Variants in NAV2 observed in about 807,000 individuals in gnomAD.
The protein encoded by NAV2 is neuron navigator 2, also known as helicase, APC down-regulated 1.
Under a neutral mutation model 223.2 loss-of-function variants are expected in NAV2, and 54 were observed. The observed-to-expected ratio is 0.24, with a 90% CI of 0.19 to 0.30. NAV2 has a LOEUF of 0.30. Ranked by LOEUF, NAV2 falls within the 10% of genes least tolerant of loss-of-function variation. NAV2 has a pLI of 1.00. For missense variants in NAV2, 2,806 were observed against 3,147.5 expected, an observed-to-expected ratio of 0.89 and a Z score of 2.60; for synonymous variants, 1,279 against 1,239.3, an observed-to-expected ratio of 1.03 and a Z score of -0.67.
At chr11:19,873,042 A>G (rs1158379100) in intron 4 of NAV2, among the ~76,000 whole-genome samples, 2 of 152,070 alleles carry the variant, frequency 1.3e-5, no homozygotes, top group Non-Finnish European at 2.9e-5. Context: ...GATGGCCTTT[A>G]TTTCTGGCCA....
chr11:19,777,716 GTA>G (rs1190464903), intron 1 of NAV2: 4 of 406,728 alleles, frequency 9.8e-6, no homozygotes, highest in African/African-American at 2.0e-5. Flanking sequence ...GTCGATGTGT[GTA>G]TGTCTCTGGT....
chr11:20,095,080 A>G (rs954938917), intron 29 of NAV2, among the ~76,000 whole-genome samples: 3 of 152,258 alleles, frequency 2.0e-5, no homozygotes, highest in Non-Finnish European at 4.4e-5. Flanking sequence ...AACAAGAATA[A>G]AAACAATAAA....
intron 12 of NAV2, among the ~76,000 whole-genome samples, chr11:20,036,829 C>A (rs1305955748): frequency 6.6e-6 from 1 of 152,224 alleles, no homozygotes; most frequent in Non-Finnish European, 1.5e-5. Flanking sequence ...AGCTGCTACC[C>A]TGCTGGCCAG....
At chr11:19,697,734 C>T (rs1034455995) in intron 1 of NAV2, among the ~76,000 whole-genome samples, 1 of 152,090 alleles carries the variant, frequency 6.6e-6, no homozygotes, top group Non-Finnish European at 1.5e-5. Context: ...AGGGGCTTAG[C>T]ATACATTTCT....
At chr11:19,916,987 C>T (rs755931618) in intron 6 of NAV2, among the ~76,000 whole-genome samples, 1 of 152,158 alleles carries the variant, frequency 6.6e-6, no homozygotes, top group Non-Finnish European at 1.5e-5. Context: ...ACTGGGGGTA[C>T]TTTGAGAAGT....
intron 3 of NAV2, among the ~76,000 whole-genome samples, chr11:19,867,204 C>T (rs2062149048): frequency 6.6e-6 from 1 of 152,188 alleles, no homozygotes; most frequent in Non-Finnish European, 1.5e-5. Context: ...CAAGACATCA[C>T]ACACAGGGTA....
In NAV2 at chr11:20,036,069, C is replaced by T. The variant is rs368834954; in HGVS notation, c.2879C>T (p.Ala960Val). The T allele has an allele frequency of 6.2e-7, 1 of 1,614,098 alleles. No individual in the cohort carries two copies. The highest frequency in any genetic ancestry group is 8.5e-7 in the Non-Finnish European group (1 of 1,180,040). Residue 960 changes from alanine (A) to valine (V), a missense_variant, in exon 12 of 38, where the codon GCC becomes GTC. This residue lies in a region of NAV2 where 73 missense variants were observed against 119.7 expected (regional missense o/e 0.61). Transcript: ENST00000349880. ...ATCAGCTCTTATGCCAACACACCTG[C>T]CTCCTCTCGAAAAAACCTGGATGTG... is the stretch of plus-strand genomic sequence containing the variant. ...SSISSYANTPASSRKNLDVQT... is the reference protein window; with the variant it reads ...SSISSYANTPVSSRKNLDVQT...
chr11:19,604,390 A>C (rs2046429158), intron 1 of NAV2, among the ~76,000 whole-genome samples: 1 of 152,036 alleles, frequency 6.6e-6, no homozygotes, highest in African/African-American at 2.4e-5. Flanking sequence ...TGGATGGTGT[A>C]TAGAGTGTGA....
At position 19,998,721 on chromosome 11, in the gene NAV2, T is replaced by C. The variant is rs2052218735; in HGVS notation, c.2768+14474T>C. 1.3e-5 allele frequency among the ~76,000 whole-genome samples: 2 copies of C among 152,132 alleles called. No individual in the cohort carries two copies. Among genetic ancestry groups the C allele is most frequent in the South Asian group, 4.2e-4 (2 of 4,818 alleles). On this transcript the variant is annotated intron_variant, in intron 11 of 37. Transcript: ENST00000349880. This position sits in a 1 kb window ranked among gnomAD's most constrained non-coding sequence, Gnocchi z 5.0. Reference sequence around the variant, plus strand: ...ACTGTGCTTCCCCCCCTCTCTCCTTTTCTCCTTATAAGCCTGGCTTATTCT... The same window carrying C: ...ACTGTGCTTCCCCCCCTCTCTCCTTCTCTCCTTATAAGCCTGGCTTATTCT...
chr11:19,908,909 A>G (rs1258464757), intron 6 of NAV2, among the ~76,000 whole-genome samples: 1 of 152,200 alleles, frequency 6.6e-6, no homozygotes, highest in Non-Finnish European at 1.5e-5. Context: ...TCTTCTTGAT[A>G]TGATGAAAAT....
chr11:19,925,166 C>T (rs1480247151), intron 6 of NAV2, among the ~76,000 whole-genome samples: 2 of 152,100 alleles, frequency 1.3e-5, no homozygotes, highest in African/African-American at 4.8e-5. Flanking sequence ...TTTATATATT[C>T]TGGATATCGG....
intron 1 of NAV2, among the ~76,000 whole-genome samples, chr11:19,597,794 G>A (rs1022317626): frequency 9.8e-5 from 15 of 152,340 alleles, no homozygotes; most frequent in African/African-American, 1.9e-4. Context: ...TCGGGGATGC[G>A]TGAGGAATGT....
chr11:19,351,864 T>C lies in NAV2; in HGVS notation c.75+837T>C, dbSNP rs572778741. Reference sequence around the variant, plus strand: ...TGATGTTCTTTCAGAGTGGTGTGGGTATCCCTCTCCTCCTGAGTCTCAAAG... The same window carrying C: ...TGATGTTCTTTCAGAGTGGTGTGGGCATCCCTCTCCTCCTGAGTCTCAAAG... On this transcript the variant is annotated intron_variant, in intron 1 of 37. Coordinates refer to the NAV2 transcript ENST00000360655. Among the ~76,000 whole-genome samples the C allele has an allele frequency of 9.7e-5, 14 of 144,572 alleles. No individual in the cohort carries two copies. In the South Asian group the frequency reaches 3.2e-3, roughly 33 times the overall value. The allele number at this position is 144,572 out of a possible 152,430, so 94.8% of individuals were successfully genotyped here. A position where few individuals can be genotyped will look rare whatever the true frequency, so the allele number is the denominator to read the frequency against.
At chr11:19,797,376 C>T (rs1018212673) in intron 1 of NAV2, among the ~76,000 whole-genome samples, 1 of 152,178 alleles carries the variant, frequency 6.6e-6, no homozygotes, top group African/African-American at 2.4e-5. Context: ...ATGTTCTCCA[C>T]CTCCTCCCAT....
intron 1 of NAV2, among the ~76,000 whole-genome samples, chr11:19,434,533 G>A (rs1035902532): frequency 1.3e-5 from 2 of 152,198 alleles, no homozygotes; most frequent in Admixed American, 6.5e-5. Flanking sequence ...CCAGAAGCAT[G>A]GAATCCAGAG....
intron 1 of NAV2, among the ~76,000 whole-genome samples, chr11:19,400,325 C>T (rs1237979200): frequency 2.6e-5 from 4 of 152,124 alleles, no homozygotes; most frequent in Non-Finnish European, 5.9e-5. Context: ...CAGGTAGAAC[C>T]TCTGGTGGTG....
chr11:19,859,347 C>G (rs1440933300), intron 3 of NAV2, among the ~76,000 whole-genome samples: 26 of 150,502 alleles, frequency 1.7e-4, no homozygotes, highest in African/African-American at 5.4e-4. Flanking sequence ...TGACTCTTAA[C>G]GAGTATGCTG....
chr11:19,367,484 A>G (rs989835923), intron 1 of NAV2, among the ~76,000 whole-genome samples: 2 of 152,232 alleles, frequency 1.3e-5, no homozygotes, highest in African/African-American at 4.8e-5. Context: ...TAGGTACTCC[A>G]AGAACTATTC....
At chr11:20,117,438 C>T (rs1592246217) in intron 37 of NAV2, among the ~76,000 whole-genome samples, 1 of 152,162 alleles carries the variant, frequency 6.6e-6, no homozygotes, top group African/African-American at 2.4e-5. Context: ...CCATTCTCCC[C>T]ATTCCACAGA....
Sources: gnomAD v4.1 joint callset for allele counts (sites outside exome capture counted in the v4.1 genomes callset) on GRCh38, gnomAD v4.1.1 for gene constraint, gnomAD v4.1.1 regional missense constraint, Gnocchi (gnomAD v3.1) non-coding constraint, MANE v1.5 for transcripts, NCBI Gene and HGNC (gene_info 2026-07-23, HGNC 2026-07-21) for gene names.